The following MARCHF3 variants were observed in gnomAD, a reference collection of about 807,000 sequenced individuals.
MARCHF3 encodes the protein membrane associated ring-CH-type finger 3.
In MARCHF3, 13 loss-of-function variants were observed where a neutral mutation model predicts 24.2. The observed-to-expected ratio is 0.54, with a 90% CI of 0.35 to 0.85. The LOEUF (loss-of-function observed/expected upper bound fraction) is 0.85. MARCHF3 is among the 40% of genes least tolerant of loss of function. The pLI is 0.01. For missense variants in MARCHF3, 276 were observed against 325.0 expected (o/e 0.85, Z 1.16); for synonymous variants, 144 against 137.3 (o/e 1.05, Z -0.34).
chr5:126,970,916 G>A (rs1177775647), intron 1 of MARCHF3, among the ~76,000 whole-genome samples: 1 of 152,180 alleles, frequency 6.6e-6, no homozygotes, highest in Non-Finnish European at 1.5e-5. Flanking sequence ...ACAGAGCACA[G>A]CAAGCAGAGG....
intron 1 of MARCHF3, among the ~76,000 whole-genome samples, chr5:127,003,792 A>G (rs1211136248): frequency 6.6e-6 from 1 of 152,212 alleles, no homozygotes; most frequent in African/African-American, 2.4e-5. Context: ...TCATGAGAGG[A>G]TCCCACAAAA....
At chr5:126,926,889 A>G (rs1025231540) in intron 1 of MARCHF3, among the ~76,000 whole-genome samples, 1 of 152,006 alleles carries the variant, frequency 6.6e-6, no homozygotes, top group African/African-American at 2.4e-5. Flanking sequence ...GGGCCAGGGT[A>G]GGGGTACAAG....
chr5:126,945,590 G>C (rs191510150), intron 1 of MARCHF3, among the ~76,000 whole-genome samples: 1 of 152,292 alleles, frequency 6.6e-6, no homozygotes, highest in East Asian at 1.9e-4. Flanking sequence ...GGCCAGGTGG[G>C]AGGGAGAAGA....
chr5:126,875,914 G>C (rs1302018673), intron 4 of MARCHF3, among the ~76,000 whole-genome samples: 1 of 152,186 alleles, frequency 6.6e-6, no homozygotes, highest in East Asian at 1.9e-4. Context: ...GATGAACAGA[G>C]AGGTTAAGTA....
chr5:126,967,828 A>G (rs1750868742), intron 1 of MARCHF3, among the ~76,000 whole-genome samples: 1 of 152,216 alleles, frequency 6.6e-6, no homozygotes, highest in African/African-American at 2.4e-5. Flanking sequence ...TATAATTAAT[A>G]TAACACATCA....
chr5:126,868,958 C>G lies in MARCHF3; in HGVS notation c.*1675G>C, dbSNP rs989044327. The G allele has an allele frequency of 3.3e-5, 5 of 152,276 alleles. No individual in the cohort carries two copies. The highest frequency in any genetic ancestry group is 1.2e-4 in the African/African-American group (5 of 41,442). The allele number at this position is 152,276 out of a possible 1,614,324, so 9.4% of individuals were successfully genotyped here. A position where few individuals can be genotyped will look rare whatever the true frequency, so the allele number is the denominator to read the frequency against. On this transcript the variant is annotated 3_prime_UTR_variant, in exon 5 of 5. Coordinates refer to ENST00000308660, the MANE Select transcript of MARCHF3 (RefSeq NM_178450.5). ...AACAGAAGGGCTGAGACATATATTA[C>G]TGGAATTGAAGTGTCCCAGTGAAGC... is the stretch of plus-strand genomic sequence containing the variant.
intron 1 of MARCHF3, among the ~76,000 whole-genome samples, chr5:127,004,977 T>G (rs1240975085): frequency 6.6e-6 from 1 of 152,034 alleles, no homozygotes; most frequent in African/African-American, 2.4e-5. Context: ...AAAAAAAGTT[T>G]TTCCTAAACA....
At chr5:126,882,774 C>G (rs971516208) in intron 3 of MARCHF3, among the ~76,000 whole-genome samples, 4 of 152,178 alleles carry the variant, frequency 2.6e-5, no homozygotes. Flanking sequence ...TCAGCCCCTA[C>G]TATATGCCAA....
At chr5:126,968,874 G>A (rs1054720275) in intron 1 of MARCHF3, among the ~76,000 whole-genome samples, 1 of 152,118 alleles carries the variant, frequency 6.6e-6, no homozygotes, top group African/African-American at 2.4e-5. Context: ...CAACTATTAA[G>A]TTGTAAGAAT....
At chr5:127,002,223 G>T (rs150799427) in intron 1 of MARCHF3, among the ~76,000 whole-genome samples, 2,140 of 152,332 alleles carry the variant, frequency 0.014, 28 homozygotes, top group Middle Eastern at 0.044. Flanking sequence ...GCCTTGAAGG[G>T]AAAAGATCTC....
chr5:126,972,990 C>T (rs1443906021), intron 1 of MARCHF3, among the ~76,000 whole-genome samples: 1 of 152,188 alleles, frequency 6.6e-6, no homozygotes, highest in African/African-American at 2.4e-5. Context: ...AATATTCTTT[C>T]TCTTTGCCTT....
At chr5:126,936,571 G>C (rs1011632130) in intron 1 of MARCHF3, among the ~76,000 whole-genome samples, 1 of 152,110 alleles carries the variant, frequency 6.6e-6, no homozygotes, top group Non-Finnish European at 1.5e-5. Flanking sequence ...TGTTAATAGT[G>C]GTTCTGGGTA....
At chr5:126,908,236 C>G (rs1754374577) in intron 3 of MARCHF3, among the ~76,000 whole-genome samples, 1 of 152,318 alleles carries the variant, frequency 6.6e-6, no homozygotes, top group East Asian at 1.9e-4. Flanking sequence ...CGCCCTTTCT[C>G]TCTGGCTGCC....
rs922363975 is a variant in MARCHF3 at position 126,868,361 on chromosome 5, C to G, written c.*2272G>C. On this transcript the variant is annotated 3_prime_UTR_variant, in exon 5 of 5. Coordinates refer to ENST00000308660, the MANE Select transcript of MARCHF3 (RefSeq NM_178450.5). Reference sequence around the variant, plus strand: ...AGGCACTGATGCTCTGCCTGGCTGCCAGGGGTGTCCTTTCACCACCCCACA... The same window carrying G: ...AGGCACTGATGCTCTGCCTGGCTGCGAGGGGTGTCCTTTCACCACCCCACA... The G allele has an allele frequency of 2.0e-5, 3 of 152,260 alleles. No homozygotes were observed. Among genetic ancestry groups the G allele is most frequent in the Non-Finnish European group, 4.4e-5 (3 of 68,090 alleles). 9.4% of individuals were successfully genotyped at this position (152,260 alleles called of 1,614,324 possible). A position where few individuals can be genotyped will look rare whatever the true frequency, so the allele number is the denominator to read the frequency against.
At chr5:126,980,819 G>A (rs1382354515) in intron 1 of MARCHF3, among the ~76,000 whole-genome samples, 1 of 152,238 alleles carries the variant, frequency 6.6e-6, no homozygotes, top group Non-Finnish European at 1.5e-5. Context: ...GCATGAAGGA[G>A]AGGTAAGATT....
intron 3 of MARCHF3, among the ~76,000 whole-genome samples, chr5:126,893,667 A>G: frequency 6.9e-6 from 1 of 144,098 alleles, no homozygotes; most frequent in East Asian, 2.0e-4. Flanking sequence ...GTTTGTTATA[A>G]TTTCTGTTCT....
Position 126,878,348 on chromosome 5 carries a change from CCAAA to C in MARCHF3, c.436_439del (p.Phe146AlafsTer9), listed in dbSNP as rs777620434. 9 of 1,614,148 alleles carry C rather than the reference CCAAA, an allele frequency of 5.6e-6. No homozygotes were observed. The highest frequency in any genetic ancestry group is 1.1e-5 in the South Asian group (1 of 91,066). On this transcript the variant is annotated frameshift_variant, in exon 4 of 5. Transcript: ENST00000308660. LOFTEE classifies it high-confidence loss of function. ...TATAAACAAGAAGCACACCATGTCGCCAAACAGAGTCCGCTTCTCATGCTGGGGG... is the reference window on the plus strand; with the variant it reads ...TATAAACAAGAAGCACACCATGTCGCCAGAGTCCGCTTCTCATGCTGGGGG...
At chr5:126,917,127 C>T (rs1437253332) in intron 2 of MARCHF3, among the ~76,000 whole-genome samples, 1 of 152,114 alleles carries the variant, frequency 6.6e-6, no homozygotes, top group East Asian at 1.9e-4. Context: ...ATGACTGGTC[C>T]TATGTTAGAG....
chr5:126,965,714 G>A (rs994114430), intron 1 of MARCHF3, among the ~76,000 whole-genome samples: 1 of 152,156 alleles, frequency 6.6e-6, no homozygotes, highest in Non-Finnish European at 1.5e-5. Context: ...GAGAGAGAAA[G>A]AGAGGATTTT....
Sources: gnomAD v4.1 joint callset for allele counts (sites outside exome capture counted in the v4.1 genomes callset) on GRCh38, gnomAD v4.1.1 for gene constraint, MANE v1.5 for transcripts, NCBI Gene and HGNC (gene_info 2026-07-23, HGNC 2026-07-21) for gene names.